CLASP1: variants seen among roughly 807,000 people sequenced by gnomAD.
CLASP1 encodes CLIP-associating protein 1.
Under a neutral mutation model 192.3 loss-of-function variants are expected in CLASP1, and 38 were observed. The observed-to-expected ratio is 0.20, with a 90% CI of 0.15 to 0.26. CLASP1 has a LOEUF of 0.26. Among genes scored for constraint, CLASP1 ranks in the 10% least tolerant of loss-of-function variants. CLASP1 has a pLI of 1.00. For missense variants in CLASP1, 1,433 were observed against 1,932.5 expected, an observed-to-expected ratio of 0.74 and a Z score of 4.85; for synonymous variants, 691 against 712.8, an observed-to-expected ratio of 0.97 and a Z score of 0.49.
At chr2:121,513,347 A>T (rs1180369790) in intron 7 of CLASP1, among the ~76,000 whole-genome samples, 1 of 152,196 alleles carries the variant, frequency 6.6e-6, no homozygotes, top group Non-Finnish European at 1.5e-5. Flanking sequence ...GAGAATTTGT[A>T]GGAGGATTTT....
intron 25 of CLASP1, among the ~76,000 whole-genome samples, chr2:121,405,799 G>C (rs977417418): frequency 3.7e-4 from 57 of 152,144 alleles, no homozygotes; most frequent in African/African-American, 1.3e-3. Context: ...AGTGTCACAG[G>C]ATGCCTGCGT....
intron 9 of CLASP1, among the ~76,000 whole-genome samples, chr2:121,467,883 G>T (rs2089962519): frequency 6.6e-6 from 1 of 152,116 alleles, no homozygotes; most frequent in Admixed American, 6.5e-5. Context: ...GTCCTAAATG[G>T]TATTGCCTAG....
intron 7 of CLASP1, among the ~76,000 whole-genome samples, chr2:121,514,234 A>G (rs2094222462): frequency 6.6e-6 from 1 of 152,232 alleles, no homozygotes; most frequent in Admixed American, 6.5e-5. Context: ...TGGTGGATTC[A>G]TGGTCTGGGG....
At chr2:121,610,636 GAGT>G (rs1315188431) in intron 1 of CLASP1, among the ~76,000 whole-genome samples, 1 of 145,334 alleles carries the variant, frequency 6.9e-6, no homozygotes. Context: ...GGAGGAGGAG[GAGT>G]TACAGGAGGA....
intron 7 of CLASP1, among the ~76,000 whole-genome samples, chr2:121,507,478 C>T (rs918864233): frequency 6.6e-6 from 1 of 152,130 alleles, no homozygotes; most frequent in Non-Finnish European, 1.5e-5. Flanking sequence ...AGTCACATAA[C>T]AGAAGTCCCA....
intron 1 of CLASP1, among the ~76,000 whole-genome samples, chr2:121,617,001 G>T (rs1354750398): frequency 1.3e-5 from 2 of 152,224 alleles, no homozygotes; most frequent in Admixed American, 1.3e-4. Flanking sequence ...GCTGTAGGTA[G>T]AAGAGGAAGG....
chr2:121,426,794 G>A (rs532264548), intron 21 of CLASP1, among the ~76,000 whole-genome samples: 1 of 152,110 alleles, frequency 6.6e-6, no homozygotes, highest in East Asian at 1.9e-4. Context: ...ACTATTTCTT[G>A]TGGGACCTAA....
chr2:121,511,605 G>T (rs191350878), intron 7 of CLASP1, among the ~76,000 whole-genome samples: 1 of 150,636 alleles, frequency 6.6e-6, no homozygotes, highest in East Asian at 1.9e-4. Context: ...AAAAAAAAGA[G>T]AGAGAGAGAG....
At chr2:121,384,537 T>A (rs540194489) in intron 32 of CLASP1, among the ~76,000 whole-genome samples, 3 of 152,148 alleles carry the variant, frequency 2.0e-5, no homozygotes, top group East Asian at 3.9e-4. Flanking sequence ...TAGAATAGTT[T>A]CTCACTATCA....
At chr2:121,558,890 T>C (rs1402410251) in intron 2 of CLASP1, among the ~76,000 whole-genome samples, 1 of 152,202 alleles carries the variant, frequency 6.6e-6, no homozygotes, top group Non-Finnish European at 1.5e-5. Flanking sequence ...CTGTTCAGAA[T>C]GTTTCATAAG....
intron 8 of CLASP1, among the ~76,000 whole-genome samples, chr2:121,492,301 ATGG>A (rs960332716): frequency 6.8e-6 from 1 of 147,424 alleles, no homozygotes; most frequent in African/African-American, 2.5e-5. Flanking sequence ...AGGCAGTAGA[ATGG>A]TGAGAACCCG....
chr2:121,643,767 T>G (rs2072600133), intron 1 of CLASP1, among the ~76,000 whole-genome samples: 1 of 152,188 alleles, frequency 6.6e-6, no homozygotes, highest in African/African-American at 2.4e-5. Flanking sequence ...GGAACATCTA[T>G]TCATCTATTA....
intron 34 of CLASP1, among the ~76,000 whole-genome samples, chr2:121,374,329 T>C (rs1182773865): frequency 6.6e-6 from 1 of 152,182 alleles, no homozygotes; most frequent in African/African-American, 2.4e-5. Flanking sequence ...ACCTAGATTT[T>C]AGAGGATGTA....
chr2:121,604,837 CA>C (rs1432621092), intron 2 of CLASP1, among the ~76,000 whole-genome samples: 1 of 152,142 alleles, frequency 6.6e-6, no homozygotes, highest in Non-Finnish European at 1.5e-5. Context: ...GAAAAAAGCA[CA>C]AAAGATTCTA....
intron 2 of CLASP1, among the ~76,000 whole-genome samples, chr2:121,596,739 C>T (rs2063185352): frequency 6.6e-6 from 1 of 152,232 alleles, no homozygotes; most frequent in African/African-American, 2.4e-5. Flanking sequence ...TTTAATCCCA[C>T]TTCTCTGTCA....
chr2:121,587,250 A>T (rs2061826492), intron 2 of CLASP1, among the ~76,000 whole-genome samples: 1 of 152,054 alleles, frequency 6.6e-6, no homozygotes, highest in African/African-American at 2.4e-5. Flanking sequence ...CAAAAAAAGA[A>T]AAAAAAGGAA....
chr2:121,593,199 A>G (rs1166909428), intron 2 of CLASP1, among the ~76,000 whole-genome samples: 3 of 152,206 alleles, frequency 2.0e-5, no homozygotes, highest in Non-Finnish European at 4.4e-5. Flanking sequence ...TTCCTGCCAA[A>G]ATCTAACCAG....
At chr2:121,520,424 G>A (rs77624736) in intron 6 of CLASP1, among the ~76,000 whole-genome samples, 5,750 of 152,318 alleles carry the variant, frequency 0.038, 161 homozygotes, top group Admixed American at 0.061. Context: ...CCCCAGCACA[G>A]CTGTGCCCAA....
chr2:121,426,037 C>T (rs187198425), intron 21 of CLASP1, among the ~76,000 whole-genome samples: 21 of 151,830 alleles, frequency 1.4e-4, no homozygotes, highest in Admixed American at 6.6e-4. Context: ...CCCAGCTACC[C>T]GGGAGACTGA....
Sources: allele counts gnomAD v4.1 joint callset (sites outside exome capture counted in the v4.1 genomes callset), GRCh38; gene constraint gnomAD v4.1.1; transcripts MANE v1.5; gene names NCBI Gene and HGNC (gene_info 2026-07-23, HGNC 2026-07-21).